AFAP1L2: variants seen among roughly 807,000 people sequenced by gnomAD.
The protein encoded by AFAP1L2 is actin filament associated protein 1 like 2, also known as actin filament-associated protein 1-like 2.
In AFAP1L2, 46 loss-of-function variants were observed where a neutral mutation model predicts 99.3. That is an observed-to-expected ratio of 0.46 (90% CI 0.37 to 0.59). The LOEUF (loss-of-function observed/expected upper bound fraction) is 0.59, where lower values mean the gene tolerates loss of function less well. Among genes scored for constraint, AFAP1L2 ranks in the 20% least tolerant of loss-of-function variants. AFAP1L2 has a pLI of 0.00. For synonymous variants in AFAP1L2, 397 were observed against 419.1 expected (o/e 0.95, Z 0.64); for missense variants, 959 against 1,034.9 (o/e 0.93, Z 1.01).
downstream of AFAP1L2, chr10:114,290,354 A>G (rs1464603137): frequency 6.4e-7 from 1 of 1,550,516 alleles, no homozygotes; most frequent in Non-Finnish European, 8.7e-7. Flanking sequence ...GAGGGCCCCC[A>G]CTGCGAGAAC....
intron 1 of AFAP1L2, among the ~76,000 whole-genome samples, chr10:114,351,370 A>G (rs970485340): frequency 1.3e-5 from 2 of 152,222 alleles, no homozygotes; most frequent in East Asian, 1.9e-4. Context: ...GAAAAAAGAC[A>G]TATTAAAGAT....
intron 1 of AFAP1L2, among the ~76,000 whole-genome samples, chr10:114,382,654 C>G (rs898004361): frequency 3.1e-5 from 4 of 130,124 alleles, no homozygotes; most frequent in Non-Finnish European, 4.6e-5. Flanking sequence ...AGTGCAATGG[C>G]ACGATCTCAG....
At chr10:114,398,061 C>T (rs2057894862) in intron 1 of AFAP1L2, among the ~76,000 whole-genome samples, 1 of 152,180 alleles carries the variant, frequency 6.6e-6, no homozygotes, top group African/African-American at 2.4e-5. Flanking sequence ...GCAACGCGTC[C>T]AGGGGGAGGC....
chr10:114,398,011 C>G (rs544916921), intron 1 of AFAP1L2, among the ~76,000 whole-genome samples: 9 of 152,182 alleles, frequency 5.9e-5, no homozygotes, highest in Admixed American at 2.0e-4. Context: ...ATGTGAGATC[C>G]GTGTTCCCTG....
chr10:114,371,990 C>T (rs948324167), intron 1 of AFAP1L2, among the ~76,000 whole-genome samples: 1 of 152,036 alleles, frequency 6.6e-6, no homozygotes, highest in Admixed American at 6.5e-5. Context: ...AATGGAAGGC[C>T]TCTCCCCATG....
Position 114,308,468 on chromosome 10 carries a change from A to T in AFAP1L2, c.932T>A (p.Val311Glu). Reference protein sequence around the residue: ...YLSASEYGSSVDGHPEVPETK... With the variant: ...YLSASEYGSSEDGHPEVPETK... ...TTCTGGGACCTCAGGGTGGCCATCC[A>T]CGGAGCTCCCATACTCTGAAGCCGA... The change falls in exon 9 of 19, where the codon GTG (valine) becomes GAG (glutamate). Residue 311 changes from valine to glutamate, a missense_variant. Around this residue, in one of 2 missense-constraint regions of AFAP1L2, gnomAD observed 383 missense variants for 472.8 expected, o/e 0.81. Transcript: ENST00000304129. 6.2e-7 allele frequency: 1 copy of T among 1,614,176 alleles called. No homozygotes were observed. Among genetic ancestry groups the T allele is most frequent in the Non-Finnish European group, 8.5e-7 (1 of 1,180,030 alleles).
chr10:114,309,222 T>C (rs1375046364), intron 8 of AFAP1L2, among the ~76,000 whole-genome samples: 1 of 152,244 alleles, frequency 6.6e-6, no homozygotes, highest in Non-Finnish European at 1.5e-5. Context: ...AAGGAAGCAC[T>C]GCATGCCGAG....
intron 1 of AFAP1L2, among the ~76,000 whole-genome samples, chr10:114,400,083 G>A (rs1255438178): frequency 6.6e-6 from 1 of 152,180 alleles, no homozygotes; most frequent in Non-Finnish European, 1.5e-5. Flanking sequence ...TCTCAGCCAG[G>A]GCTCTGGACA....
the AFAP1L2 span, chr10:114,284,797 T>C: frequency 2.7e-6 from 4 of 1,471,948 alleles, no homozygotes; most frequent in Admixed American, 8.7e-5. Context: ...CACCCACACC[T>C]CTGGCCAGTC....
At chr10:114,355,182 A>G (rs2051135947) in intron 1 of AFAP1L2, among the ~76,000 whole-genome samples, 2 of 151,942 alleles carry the variant, frequency 1.3e-5, no homozygotes, top group African/African-American at 2.4e-5. Flanking sequence ...ACAGTGGAGT[A>G]TAGCAGGCCT....
chr10:114,297,578 G>A (rs2040456163), intron 16 of AFAP1L2, among the ~76,000 whole-genome samples, 165 bp from the exon 17 acceptor site: 1 of 152,354 alleles, frequency 6.6e-6, no homozygotes, highest in Non-Finnish European at 1.5e-5. Context: ...GCAGCCTGGA[G>A]GCCTCCTTTA....
the AFAP1L2 span, chr10:114,282,434 T>C: frequency 9.1e-7 from 1 of 1,100,140 alleles, no homozygotes; most frequent in East Asian, 2.4e-5. Flanking sequence ...CTATCAGCTT[T>C]TGGTGTTGTA....
chr10:114,285,178 AC>A, the AFAP1L2 span, among the ~76,000 whole-genome samples: 6 of 152,298 alleles, frequency 3.9e-5, no homozygotes, highest in East Asian at 9.6e-4. Flanking sequence ...TCTGGATGAG[AC>A]AGTGGCTCCC....
chr10:114,316,211 G>A (rs1349245462), intron 5 of AFAP1L2, among the ~76,000 whole-genome samples: 1 of 152,222 alleles, frequency 6.6e-6, no homozygotes, highest in Non-Finnish European at 1.5e-5. Flanking sequence ...CATTCCAAGG[G>A]CTCAGGAGGA....
chr10:114,295,497 G>T lies in AFAP1L2; in HGVS notation c.*545C>A. 1 of 972,658 alleles carries T rather than the reference G, an allele frequency of 1.0e-6. No individual in the cohort carries two copies. 60.3% of individuals were successfully genotyped at this position (972,658 alleles called of 1,614,324 possible). ...GTCATAGATGGTTTTACAGATGATG[G>T]TTTTACAGATGATGTCAATGCTGTT... On this transcript the variant is annotated 3_prime_UTR_variant, in exon 19 of 19. Transcript: ENST00000304129.
At chr10:114,317,181 A>C (rs113543933) in intron 5 of AFAP1L2, among the ~76,000 whole-genome samples, 132 of 152,404 alleles carry the variant, frequency 8.7e-4, no homozygotes, top group Middle Eastern at 6.8e-3. Context: ...ACTAAGAAGC[A>C]CATTTGAAAC....
intron 7 of AFAP1L2, 33 bp downstream of exon 7, chr10:114,313,838 G>A (rs1308956927): frequency 6.4e-7 from 1 of 1,559,842 alleles, no homozygotes; most frequent in East Asian, 2.3e-5. Context: ...ACAACTCTAG[G>A]AACCCCTCCA....
intron 4 of AFAP1L2, chr10:114,325,988 C>G: frequency 7.8e-7 from 1 of 1,288,510 alleles, no homozygotes; most frequent in Non-Finnish European, 1.0e-6. Flanking sequence ...CAGGTGGGTC[C>G]CATCTGGAGA....
chr10:114,323,618 G>A (rs1307154287), intron 4 of AFAP1L2, among the ~76,000 whole-genome samples: 1 of 152,104 alleles, frequency 6.6e-6, no homozygotes, highest in Non-Finnish European at 1.5e-5. Flanking sequence ...TAGCTATTGT[G>A]GCTTTTAAAT....
Sources: gnomAD v4.1 joint callset for allele counts (sites outside exome capture counted in the v4.1 genomes callset) on GRCh38, gnomAD v4.1.1 for gene constraint, gnomAD v4.1.1 regional missense constraint, MANE v1.5 for transcripts, NCBI Gene and HGNC (gene_info 2026-07-23, HGNC 2026-07-21) for gene names.